Variants in TMC5 observed in about 807,000 individuals in gnomAD.
TMC5 encodes transmembrane channel-like protein 5.
A neutral mutation model predicts 110.5 loss-of-function variants in TMC5; 86 were observed. The observed-to-expected ratio is 0.78, with a 90% CI of 0.65 to 0.93. TMC5 has a LOEUF of 0.93. TMC5 is among the 40% of genes least tolerant of loss of function. The pLI is 0.00. For missense variants in TMC5, 1,144 were observed against 1,222.8 expected, an observed-to-expected ratio of 0.94 and a Z score of 0.96; for synonymous variants, 455 against 439.5, an observed-to-expected ratio of 1.04 and a Z score of -0.44.
intron 5 of TMC5, among the ~76,000 whole-genome samples, chr16:19,451,834 C>T (rs1043752904): frequency 2.0e-5 from 3 of 152,020 alleles, no homozygotes; most frequent in African/African-American, 7.3e-5. Context: ...GATCTCACTC[C>T]GTTATTCAGG....
intron 1 of TMC5, among the ~76,000 whole-genome samples, chr16:19,420,006 A>G (rs1448050234): frequency 2.0e-5 from 3 of 152,220 alleles, no homozygotes; most frequent in South Asian, 2.1e-4. Context: ...AGGAATATTT[A>G]TAGGGAGTGT....
At chr16:19,458,431 T>C (rs1309128634) in intron 5 of TMC5, among the ~76,000 whole-genome samples, 5 of 152,052 alleles carry the variant, frequency 3.3e-5, no homozygotes, top group Admixed American at 3.3e-4. Flanking sequence ...CAGGCTGGTC[T>C]TGAACTCCCG....
In TMC5 at chr16:19,463,836, A is replaced by G. The variant is rs1178452460; in HGVS notation, c.1297A>G (p.Lys433Glu). Reference sequence around the variant, plus strand: ...TCTGAATTCCATCAGCCTGTGGCAGAAGACGCTGAAGATCATTGGAGGCAA... The same window carrying G: ...TCTGAATTCCATCAGCCTGTGGCAGGAGACGCTGAAGATCATTGGAGGCAA... ...EILNSISLWQ[K>E]TLKIIGGKFG... The change falls in exon 8 of 22, where the codon AAG (lysine) becomes GAG (glutamate). Residue 433 changes from lysine to glutamate, a missense_variant. Lys to Glu is a moderately conservative substitution (Grantham distance 56). Coordinates refer to ENST00000542583, the MANE Select transcript of TMC5 (RefSeq NM_001261841.2). The G allele has an allele frequency of 6.2e-7, 1 of 1,614,210 alleles. No homozygotes were observed. Among genetic ancestry groups the G allele is most frequent in the Admixed American group, 1.7e-5 (1 of 60,020 alleles).
chr16:19,488,302 G>A (rs1300627937), intron 17 of TMC5, among the ~76,000 whole-genome samples: 1 of 152,158 alleles, frequency 6.6e-6, no homozygotes, highest in Non-Finnish European at 1.5e-5. Flanking sequence ...AAGCCAGGGA[G>A]GGAATGCATC....
intron 5 of TMC5, among the ~76,000 whole-genome samples, chr16:19,452,517 T>G (rs138810852): frequency 4.0e-3 from 601 of 151,396 alleles, no homozygotes; most frequent in African/African-American, 0.013. Flanking sequence ...AGGAGTTCGA[T>G]ACCAGCCTGG....
chr16:19,461,531 A>G (rs1027176826), intron 6 of TMC5, among the ~76,000 whole-genome samples: 2 of 152,038 alleles, frequency 1.3e-5, no homozygotes, highest in Non-Finnish European at 2.9e-5. Context: ...CCAAGATCAC[A>G]CCACTGCACT....
chr16:19,426,978 T>G (rs1442356648), intron 1 of TMC5, among the ~76,000 whole-genome samples: 1 of 152,130 alleles, frequency 6.6e-6, no homozygotes, highest in Non-Finnish European at 1.5e-5. Flanking sequence ...GTGGTCTTCC[T>G]GGGACTGATG....
rs200961865 is a variant in TMC5, at chr16:19,462,554, T to C, written c.1149-726T>C. On this transcript the variant is annotated intron_variant, in intron 6 of 21. Transcript: ENST00000542583. The stretch of plus-strand genomic sequence containing the variant: ...AGGACGAAGGAAGAGCAAAGGCACA[T>C]CTTACGTGGTGGTAGGCAAGACGGC... The C allele has an allele frequency of 1.4e-5, 10 of 701,870 alleles. No homozygotes were observed. In the East Asian group the frequency reaches 1.6e-4, roughly 11 times the overall value. 43.5% of individuals were successfully genotyped at this position (701,870 alleles called of 1,614,324 possible).
rs1027219669 is a variant in TMC5 at position 19,430,466 on chromosome 16, G to C, written c.-254G>C. ...CTTGGAATATTCAGACTTCAGACCA[G>C]CATCACAGATTATAACCCTCCGTAA... On this transcript the variant is annotated 5_prime_UTR_variant, in exon 2 of 22. Transcript: ENST00000542583. 1 of 152,290 alleles carries C rather than the reference G, an allele frequency of 6.6e-6. No homozygotes were observed. Among genetic ancestry groups the C allele is most frequent in the Admixed American group, 6.6e-5 (1 of 15,256 alleles). The allele number at this position is 152,290 out of a possible 1,614,324, so 9.4% of individuals were successfully genotyped here. A position where few individuals can be genotyped will look rare whatever the true frequency, so the allele number is the denominator to read the frequency against.
At chr16:19,476,332 G>C (rs1968487495) in intron 12 of TMC5, among the ~76,000 whole-genome samples, 1 of 152,112 alleles carries the variant, frequency 6.6e-6, no homozygotes, top group South Asian at 2.1e-4. Flanking sequence ...GGGTAACAGA[G>C]TGAGACCCTG....
intron 6 of TMC5, among the ~76,000 whole-genome samples, chr16:19,461,595 T>G (rs928301843): frequency 3.3e-5 from 5 of 151,684 alleles, no homozygotes; most frequent in African/African-American, 9.7e-5. Flanking sequence ...TAAACTAAAA[T>G]AAAAAAGAAA....
rs1424223918 is a variant in TMC5 at position 19,487,341 on chromosome 16, C to G, written c.2573+15C>G. On this transcript the variant is annotated intron_variant, in intron 17 of 21. Coordinates refer to ENST00000542583, the MANE Select transcript of TMC5 (RefSeq NM_001261841.2). ...ACCATCTGGAGGTAGGAGAAGGTGGCCTTGGGGGAGGTTTTAGAGACTGGG... is the reference window on the plus strand; with the variant it reads ...ACCATCTGGAGGTAGGAGAAGGTGGGCTTGGGGGAGGTTTTAGAGACTGGG... 6.2e-7 allele frequency: 1 copy of G among 1,607,816 alleles called. No homozygotes were observed. The highest frequency in any genetic ancestry group is 1.7e-5 in the Admixed American group (1 of 58,472).
intron 5 of TMC5, chr16:19,457,109 G>T: frequency 9.0e-7 from 1 of 1,110,118 alleles, no homozygotes; most frequent in Non-Finnish European, 1.3e-6. Context: ...ATCAAGTGGG[G>T]CCAGGCGTGG....
chr16:19,497,258 TTTCAGTTGCAAA>T, intron 21 of TMC5, 95 bp downstream of exon 21: 1 of 1,326,438 alleles, frequency 7.5e-7, no homozygotes, highest in Non-Finnish European at 1.1e-6. Flanking sequence ...TCCATTACTT[TTTCAGTTGCAAA>T]TTGGATCCAA....
At chr16:19,435,459 G>A (rs992212445) in intron 2 of TMC5, among the ~76,000 whole-genome samples, 12 of 151,862 alleles carry the variant, frequency 7.9e-5, no homozygotes, top group Non-Finnish European at 1.6e-4. Flanking sequence ...CCAAGATCAC[G>A]CCACTGGACT....
intron 20 of TMC5, among the ~76,000 whole-genome samples, chr16:19,495,037 C>T (rs1597223497): frequency 1.5e-4 from 1 of 6,528 alleles, no homozygotes; most frequent in African/African-American, 4.1e-4. Flanking sequence ...TTTTTTGAGA[C>T]GGAGTCTCGC....
upstream of TMC5, among the ~76,000 whole-genome samples, chr16:19,414,507 A>G (rs1966867144): frequency 6.6e-6 from 1 of 152,104 alleles, no homozygotes; most frequent in Admixed American, 6.6e-5. Context: ...GATTATTTTT[A>G]CTTATCTTTT....
rs1304923617 is a variant in TMC5, at chr16:19,487,178, C to T, written c.2440-15C>T. 1.2e-6 allele frequency: 2 copies of T among 1,607,972 alleles called. No homozygotes were observed. Among genetic ancestry groups the T allele is most frequent in the African/African-American group, 2.7e-5 (2 of 74,968 alleles). ...TCCGGCTGCAGATGGGAGGTGGCTG[C>T]CTCTCTCTCTTCAGATCAGCCTGAT... On this transcript the variant is annotated splice_polypyrimidine_tract_variant and intron_variant, in intron 16 of 21. Transcript: ENST00000542583.
intron 6 of TMC5, chr16:19,462,564 T>G: frequency 1.4e-6 from 1 of 701,412 alleles, no homozygotes; most frequent in Non-Finnish European, 2.6e-6. Context: ...TCTTACGTGG[T>G]GGTAGGCAAG....
Sources: gnomAD v4.1 joint callset for allele counts (sites outside exome capture counted in the v4.1 genomes callset) on GRCh38, gnomAD v4.1.1 for gene constraint, MANE v1.5 for transcripts, NCBI Gene and HGNC (gene_info 2026-07-23, HGNC 2026-07-21) for gene names.